The following TMPRSS9 variants were observed in gnomAD, a reference collection of about 807,000 sequenced individuals.
The protein encoded by TMPRSS9 is transmembrane protease serine 9.
TMPRSS9 carries 113 observed loss-of-function variants against 111.4 expected under a neutral mutation model. That is an observed-to-expected ratio of 1.01 (90% confidence interval 0.87 to 1.19). TMPRSS9 has a LOEUF of 1.19. Among genes scored for constraint, TMPRSS9 ranks in the 50% most tolerant of loss-of-function variants. The pLI is 0.00. For synonymous variants in TMPRSS9, 805 were observed against 659.1 expected, an observed-to-expected ratio of 1.22 and a Z score of -3.39; for missense variants, 1,803 against 1,513.1, an observed-to-expected ratio of 1.19 and a Z score of -3.18.
intron 1 of TMPRSS9, among the ~76,000 whole-genome samples, chr19:2,391,158 G>A (rs1970582620): frequency 7.2e-6 from 1 of 139,262 alleles, no homozygotes; most frequent in Non-Finnish European, 1.5e-5. Context: ...AATTGCTTGA[G>A]CCCAGGAGGA....
exon 5 of TMPRSS9, chr19:2,402,004 G>A (rs369553503): frequency 6.2e-7 from 1 of 1,611,564 alleles, no homozygotes; most frequent in East Asian, 2.2e-5. Flanking sequence ...GGCAGAAAGA[G>A]ACTTCAAATC....
chr19:2,382,124 A>T (rs1166239494), intron 1 of TMPRSS9, among the ~76,000 whole-genome samples: 1 of 152,228 alleles, frequency 6.6e-6, no homozygotes, highest in Non-Finnish European at 1.5e-5. Flanking sequence ...AACAGGCATG[A>T]GCCACAGCAC....
exon 14 of TMPRSS9, chr19:2,422,173 C>A: frequency 6.4e-7 from 1 of 1,570,932 alleles, no homozygotes; most frequent in Non-Finnish European, 8.6e-7. Context: ...ACCTTATCTG[C>A]CGTGAGCACC....
intron 4 of TMPRSS9, among the ~76,000 whole-genome samples, chr19:2,401,684 T>C (rs975936509): frequency 6.6e-5 from 10 of 151,122 alleles, no homozygotes; most frequent in African/African-American, 2.4e-4. Flanking sequence ...CTCGGCTCAC[T>C]GCAACCTCTG....
exon 10 of TMPRSS9, chr19:2,413,950 C>T (rs778738638): frequency 1.2e-6 from 2 of 1,611,940 alleles, no homozygotes; most frequent in Non-Finnish European, 1.7e-6. Flanking sequence ...GTGGTCAGCA[C>T]CCCCACCAAA....
At chr19:2,392,657 C>G (rs1417155611) in intron 1 of TMPRSS9, among the ~76,000 whole-genome samples, 3 of 152,200 alleles carry the variant, frequency 2.0e-5, no homozygotes, top group Non-Finnish European at 4.4e-5. Context: ...CCAGTGAACA[C>G]TCTGTGTCTA....
intron 1 of TMPRSS9, among the ~76,000 whole-genome samples, chr19:2,363,813 C>CGCGCGCGTGT (rs1445768519): frequency 2.7e-5 from 3 of 112,808 alleles, no homozygotes; most frequent in African/African-American, 1.0e-4. Context: ...TGCGTGCGCG[C>CGCGCGCGTGT]GTGTGTGTGT....
intron 4 of TMPRSS9, among the ~76,000 whole-genome samples, chr19:2,401,589 A>G (rs137913661): frequency 1.3e-3 from 195 of 152,072 alleles, no homozygotes; most frequent in African/African-American, 4.5e-3. Flanking sequence ...CCTGCCTGCA[A>G]TAGGACGTTT....
chr19:2,403,259 C>G (rs1162657415), intron 6 of TMPRSS9, 64 bp downstream of exon 7: 2 of 1,367,842 alleles, frequency 1.5e-6, no homozygotes, highest in Non-Finnish European at 2.0e-6. Flanking sequence ...GCTGCTGGCT[C>G]TGGTCTGTGG....
intron 6 of TMPRSS9, among the ~76,000 whole-genome samples, chr19:2,403,468 TG>T (rs1970898878): frequency 1.3e-5 from 2 of 152,016 alleles, no homozygotes; most frequent in Non-Finnish European, 2.9e-5. Context: ...GGCCACAGCC[TG>T]GGAAGTGTTG....
rs7245588 is a variant in TMPRSS9 at position 2,421,508 on chromosome 19, G to T, written c.2155-346G>T. 4.0e-5 allele frequency among the ~76,000 whole-genome samples: 6 copies of T among 151,576 alleles called. No homozygotes were observed. The South Asian group carries it at 1.2e-3, about 31-fold the overall frequency. On this transcript the variant is annotated intron_variant, in intron 13 of 17. Coordinates refer to ENST00000648592, the Ensembl canonical transcript of TMPRSS9. ...TTCACCATGTTGGTCAGGCTGGCCTGGAACTCCTGACTTCATCATCTGCCT... is the reference window on the plus strand; with the variant it reads ...TTCACCATGTTGGTCAGGCTGGCCTTGAACTCCTGACTTCATCATCTGCCT...
chr19:2,375,943 A>C (rs1302475790), intron 1 of TMPRSS9, among the ~76,000 whole-genome samples: 1 of 152,110 alleles, frequency 6.6e-6, no homozygotes, highest in Non-Finnish European at 1.5e-5. Flanking sequence ...GGCAGCTCCC[A>C]TTTGCAGGGT....
intron 1 of TMPRSS9, among the ~76,000 whole-genome samples, chr19:2,364,791 C>T: frequency 6.6e-6 from 1 of 151,830 alleles, no homozygotes; most frequent in Admixed American, 6.6e-5. Flanking sequence ...CGAGACCATC[C>T]TGGCTAACAC....
intron 13 of TMPRSS9, among the ~76,000 whole-genome samples, chr19:2,418,360 TCCC>T (rs1971327947): frequency 2.1e-5 from 1 of 48,652 alleles, no homozygotes; most frequent in African/African-American, 1.1e-4. Flanking sequence ...CCTCCCTCCC[TCCC>T]TTCCCTTCCC....
intron 9 of TMPRSS9, among the ~76,000 whole-genome samples, chr19:2,412,576 C>T (rs950431197): frequency 6.6e-6 from 1 of 152,128 alleles, no homozygotes; most frequent in Non-Finnish European, 1.5e-5. Context: ...GCCCAAATCC[C>T]TTTTCTACCC....
chr19:2,360,341 C>A (rs1398236433), exon 1 of TMPRSS9, among the ~76,000 whole-genome samples: 1 of 151,376 alleles, frequency 6.6e-6, no homozygotes, highest in African/African-American at 2.4e-5. Flanking sequence ...TCGGAACAGC[C>A]CCCACTTCCT....
At chr19:2,401,345 T>G (rs944643203) in intron 4 of TMPRSS9, among the ~76,000 whole-genome samples, 1 of 152,138 alleles carries the variant, frequency 6.6e-6, no homozygotes, top group African/African-American at 2.4e-5. Flanking sequence ...CGTCACATGC[T>G]GGTCGAGGTC....
chr19:2,403,022 C>T (rs1184249197), intron 5 of TMPRSS9, 60 bp from the exon 7 acceptor site: 3 of 1,262,260 alleles, frequency 2.4e-6, no homozygotes, highest in Non-Finnish European at 3.4e-6. Flanking sequence ...TAGCATGGTG[C>T]CTTACTCCAA....
chr19:2,424,815 G>A (rs999541341), intron 15 of TMPRSS9, among the ~76,000 whole-genome samples, 187 bp from the exon 17 acceptor site: 2 of 152,102 alleles, frequency 1.3e-5, no homozygotes, highest in Non-Finnish European at 2.9e-5. Flanking sequence ...AGGTGGTGAC[G>A]GCTGCAGTTC....
Sources: gnomAD v4.1 joint callset for allele counts (sites outside exome capture counted in the v4.1 genomes callset) on GRCh38, gnomAD v4.1.1 for gene constraint, MANE v1.5 for transcripts, NCBI Gene and HGNC (gene_info 2026-07-23, HGNC 2026-07-21) for gene names.